The following NPFFR2 variants were observed in gnomAD, a reference collection of about 807,000 sequenced individuals.
NPFFR2 encodes the protein neuropeptide FF receptor 2.
In NPFFR2, 15 loss-of-function variants were observed where a neutral mutation model predicts 13.1. The observed-to-expected ratio is 1.15, with a 90% CI of 0.77 to 1.76. The LOEUF is 1.76. Ranked by LOEUF, NPFFR2 falls within the 40% of genes most tolerant of loss-of-function variation. The probability of loss-of-function intolerance (pLI) is 0.00; values close to 1 mark genes in which losing one functional copy is unlikely to be tolerated. For synonymous variants in NPFFR2, 190 were observed against 175.7 expected (o/e 1.08, Z -0.65); for missense variants, 572 against 503.5 (o/e 1.14, Z -1.30).
At chr4:72,119,205 A>G (rs1345742002) in intron 1 of NPFFR2, among the ~76,000 whole-genome samples, 2 of 152,322 alleles carry the variant, frequency 1.3e-5, no homozygotes, top group African/African-American at 4.8e-5. Context: ...CAAAATTTCC[A>G]ATAGATAATG....
At chr4:72,099,244 T>C (rs1375186172) in intron 1 of NPFFR2, among the ~76,000 whole-genome samples, 1 of 152,190 alleles carries the variant, frequency 6.6e-6, no homozygotes, top group African/African-American at 2.4e-5. Flanking sequence ...TTGCTGTTTG[T>C]AAATATTGTG....
Position 72,126,557 on chromosome 4 carries a change from C to G in NPFFR2, c.-7-2028C>G, listed in dbSNP as rs1297380670. On this transcript the variant is annotated intron_variant, in intron 1 of 3. Coordinates refer to ENST00000308744, the MANE Select transcript of NPFFR2 (RefSeq NM_004885.3). ...ACTTAAATAATAAACACTTCCTATA[C>G]TGATACACAGGTTTACTTAAATGAT... is the stretch of plus-strand genomic sequence containing the variant. 7.2e-5 allele frequency among the ~76,000 whole-genome samples: 11 copies of G among 152,324 alleles called. No homozygotes were observed. In the East Asian group the frequency reaches 2.1e-3, roughly 29 times the overall value.
chr4:72,067,272 G>T (rs1720102679), intron 1 of NPFFR2, among the ~76,000 whole-genome samples: 1 of 151,718 alleles, frequency 6.6e-6, no homozygotes, highest in Non-Finnish European at 1.5e-5. Flanking sequence ...TGGCCAGTGA[G>T]CACTGTACCA....
chr4:72,103,051 T>A (rs934033675), intron 1 of NPFFR2, among the ~76,000 whole-genome samples: 7 of 152,096 alleles, frequency 4.6e-5, no homozygotes, highest in African/African-American at 1.7e-4. Context: ...CTGACTTTTT[T>A]ATGATTGCCA....
intron 1 of NPFFR2, among the ~76,000 whole-genome samples, chr4:72,046,464 A>G (rs1033762067): frequency 2.0e-5 from 3 of 152,138 alleles, no homozygotes; most frequent in African/African-American, 7.2e-5. Flanking sequence ...ACAGTGGGAT[A>G]TCCCTCACCA....
intron 1 of NPFFR2, among the ~76,000 whole-genome samples, chr4:72,073,701 A>T (rs963347379): frequency 3.3e-5 from 5 of 152,034 alleles, no homozygotes; most frequent in African/African-American, 1.2e-4. Flanking sequence ...TTAAAACACA[A>T]TGTGTAAAGA....
chr4:72,118,764 T>A (rs1721783594), intron 1 of NPFFR2, among the ~76,000 whole-genome samples: 2 of 152,170 alleles, frequency 1.3e-5, no homozygotes, highest in Admixed American at 1.3e-4. Context: ...TGCTTTTAGG[T>A]ACTGAGAATT....
At chr4:72,038,976 C>T (rs1578415411) in intron 1 of NPFFR2, among the ~76,000 whole-genome samples, 1 of 128,094 alleles carries the variant, frequency 7.8e-6, no homozygotes, top group South Asian at 2.7e-4. Flanking sequence ...GCAATCTCGG[C>T]TCACTGCAAG....
At chr4:72,048,921 A>G (rs956219877) in intron 1 of NPFFR2, among the ~76,000 whole-genome samples, 3 of 152,052 alleles carry the variant, frequency 2.0e-5, no homozygotes, top group African/African-American at 7.2e-5. Flanking sequence ...CTGCCAGTTA[A>G]TGTAGTGTCT....
At chr4:72,036,924 T>TG (rs1719053231) in intron 1 of NPFFR2, among the ~76,000 whole-genome samples, 1 of 152,172 alleles carries the variant, frequency 6.6e-6, no homozygotes. Context: ...TCTCATATCT[T>TG]GGGAGAGTTT....
intron 1 of NPFFR2, among the ~76,000 whole-genome samples, chr4:72,109,015 C>T (rs935314564): frequency 2.0e-5 from 3 of 151,992 alleles, no homozygotes; most frequent in Non-Finnish European, 4.4e-5. Context: ...CCCTCTAATA[C>T]ACCTTGTAGC....
intron 1 of NPFFR2, among the ~76,000 whole-genome samples, chr4:72,106,369 T>A (rs1468105156): frequency 6.6e-6 from 1 of 151,956 alleles, no homozygotes; most frequent in East Asian, 1.9e-4. Flanking sequence ...GCGACACATG[T>A]GAGTGAGAGT....
At chr4:72,103,994 A>G (rs1721334424) in intron 1 of NPFFR2, among the ~76,000 whole-genome samples, 1 of 152,120 alleles carries the variant, frequency 6.6e-6, no homozygotes, top group African/African-American at 2.4e-5. Context: ...CAGTTTTTGA[A>G]GATTAGCATT....
chr4:72,053,816 A>C (rs957868779), intron 1 of NPFFR2, among the ~76,000 whole-genome samples: 3 of 151,860 alleles, frequency 2.0e-5, no homozygotes, highest in African/African-American at 7.2e-5. Flanking sequence ...ACAGTGTTAA[A>C]ACAGAAAGAA....
chr4:72,036,335 T>C lies in NPFFR2; in HGVS notation c.-8+4135T>C, dbSNP rs150227972. Among the ~76,000 whole-genome samples the C allele has an allele frequency of 5.2e-3, 795 of 152,128 alleles. 3 individuals carry two copies. The highest frequency in any genetic ancestry group is 0.014 in the Middle Eastern group (4 of 292). On this transcript the variant is annotated intron_variant, in intron 1 of 3. Coordinates refer to ENST00000308744, the MANE Select transcript of NPFFR2 (RefSeq NM_004885.3). ...CTTATAATCAAAGTACCAATTTCTG[T>C]ATATACTGATCCTTTCCACATGAAA... is the stretch of plus-strand genomic sequence containing the variant.
chr4:72,085,279 TTA>T (rs1186899644), intron 1 of NPFFR2, among the ~76,000 whole-genome samples: 6 of 152,152 alleles, frequency 3.9e-5, no homozygotes, highest in Non-Finnish European at 5.9e-5. Flanking sequence ...GTTTCGTATC[TTA>T]TATAATAGCA....
chr4:72,103,778 C>G (rs183271285), intron 1 of NPFFR2, among the ~76,000 whole-genome samples: 40 of 152,126 alleles, frequency 2.6e-4, no homozygotes, highest in Admixed American at 2.6e-3. Flanking sequence ...TTGTCTTTAT[C>G]AGAAACAAAA....
intron 1 of NPFFR2, among the ~76,000 whole-genome samples, chr4:72,074,757 A>G (rs1008248618): frequency 2.0e-5 from 3 of 152,138 alleles, no homozygotes; most frequent in Non-Finnish European, 4.4e-5. Context: ...AAAAAACATG[A>G]TCCAACTATA....
chr4:72,037,079 C>T (rs1017591835), intron 1 of NPFFR2, among the ~76,000 whole-genome samples: 3 of 151,948 alleles, frequency 2.0e-5, no homozygotes, highest in Non-Finnish European at 4.4e-5. Context: ...AGTATGGAGT[C>T]TCATTTAAAA....
Sources: gnomAD v4.1 joint callset for allele counts (sites outside exome capture counted in the v4.1 genomes callset) on GRCh38, gnomAD v4.1.1 for gene constraint, MANE v1.5 for transcripts, NCBI Gene and HGNC (gene_info 2026-07-23, HGNC 2026-07-21) for gene names.